Variants in DOC2A observed in about 807,000 individuals in gnomAD.
DOC2A encodes double C2-like domain-containing protein alpha.
In DOC2A, 28 loss-of-function variants were observed where a neutral mutation model predicts 40.6. The observed-to-expected ratio is 0.69, with a 90% CI of 0.51 to 0.95. The LOEUF (loss-of-function observed/expected upper bound fraction) is 0.95, where lower values mean the gene tolerates loss of function less well. DOC2A is among the 40% of genes least tolerant of loss of function. DOC2A has a pLI of 0.00. For missense variants in DOC2A, 474 were observed against 552.5 expected (o/e 0.86, Z 1.42); for synonymous variants, 241 against 236.9 (o/e 1.02, Z -0.16).
chr16:30,006,929 C>T lies in DOC2A; in HGVS notation c.734G>A (p.Gly245Glu), dbSNP rs780797462. The T allele has an allele frequency of 1.2e-6, 2 of 1,613,316 alleles. No homozygotes were observed. The highest frequency in any genetic ancestry group is 2.2e-5 in the East Asian group (1 of 44,834). Residue 245 changes from glycine to glutamate, a missense_variant, in exon 8 of 11, where the codon GGG becomes GAG. Transcript: ENST00000350119. The surrounding 1 kb of genome is among the most constrained non-coding windows in gnomAD (Gnocchi z 6.2). ...GCCACGCTCCTCCAGCAGCCCCTGC[C>T]CCTGCTCCGCCTGCTCCAACTGCGG... ...YLKELEQAEQ[G>E]QGLLEERGRI...
chr16:30,019,404 G>C (rs1050604205), intron 1 of DOC2A, among the ~76,000 whole-genome samples: 1 of 151,774 alleles, frequency 6.6e-6, no homozygotes, highest in African/African-American at 2.4e-5. Context: ...GTCTACTCTA[G>C]AATGATGCGC....
At position 30,006,582 on chromosome 16, in the gene DOC2A, C is replaced by T. The variant is rs182018445; in HGVS notation, c.960+14G>A. 8.7e-6 allele frequency: 14 copies of T among 1,613,840 alleles called. No homozygotes were observed. The East Asian group carries it at 2.5e-4, about 28-fold the overall frequency. ...TCCCTGGCCTCCCTCCATGTCCCGT[C>T]CCCTCCTGGGTACCTCGTTAAATTC... On this transcript the variant is annotated intron_variant, in intron 9 of 10. Transcript: ENST00000350119. This position sits in a 1 kb window ranked among gnomAD's most constrained non-coding sequence, Gnocchi z 6.2.
At chr16:30,019,762 G>A (rs886645317) in intron 1 of DOC2A, among the ~76,000 whole-genome samples, 26 of 152,270 alleles carry the variant, frequency 1.7e-4, no homozygotes, top group African/African-American at 6.0e-4. Context: ...TTGAGACAGA[G>A]TCTCGAGTGT....
chr16:30,007,337 C>T (rs746804118), intron 5 of DOC2A, 38 bp from the exon 6 acceptor site: 19 of 1,613,106 alleles, frequency 1.2e-5, no homozygotes, highest in African/African-American at 1.3e-5. Context: ...CCTGGGGTAC[C>T]TGAGCCCCGT....
chr16:30,013,241 G>A (rs2070813733), upstream of DOC2A, among the ~76,000 whole-genome samples: 1 of 149,634 alleles, frequency 6.7e-6, no homozygotes, highest in Non-Finnish European at 1.5e-5. Flanking sequence ...GCTGAGGTGG[G>A]AGGATCTCTC....
Position 30,009,010 on chromosome 16 carries a change from C to T in DOC2A, c.513G>A (p.Thr171=), listed in dbSNP as rs201992999. The part of the protein sequence containing the change: ...TYSGITDDDI[T]HKVLRIAVCD... ...GGGGCCCTCACCTGAGCACCTTGTG[C>T]GTGATGTCGTCATCTGTGATCCCGC... The change falls in exon 5 of 11, where the codon ACG becomes ACA. Residue 171 remains threonine, a synonymous_variant. Transcript: ENST00000350119. This position sits in a 1 kb window ranked among gnomAD's most constrained non-coding sequence, Gnocchi z 4.1. The T allele has an allele frequency of 3.9e-5, 63 of 1,613,110 alleles. 1 individual carries two copies. The highest frequency in any genetic ancestry group is 3.7e-4 in the South Asian group (34 of 91,042).
At chr16:30,021,802 G>C (rs2070913271), upstream of DOC2A, 1 of 152,448 alleles carries the variant, frequency 6.6e-6, no homozygotes, top group African/African-American at 2.4e-5. Flanking sequence ...GAGGGGGCGG[G>C]GGAGGACGGA....
intron 5 of DOC2A, chr16:30,008,028 C>T (rs1037181646): frequency 1.3e-5 from 2 of 155,864 alleles, no homozygotes; most frequent in East Asian, 1.9e-4. Flanking sequence ...CCTCTGGCCT[C>T]CCCTCCATTC....
At chr16:30,015,434 C>T, upstream of DOC2A, among the ~76,000 whole-genome samples, 1 of 152,100 alleles carries the variant, frequency 6.6e-6, no homozygotes, top group Non-Finnish European at 1.5e-5. Context: ...TCCCGCGTCA[C>T]ACTCCTGAGT....
At chr16:30,017,867 C>A (rs1239141448) in intron 1 of DOC2A, among the ~76,000 whole-genome samples, 1 of 148,956 alleles carries the variant, frequency 6.7e-6, no homozygotes, top group East Asian at 2.0e-4. Flanking sequence ...GGCTGAGGCA[C>A]AAGAATCACT....
upstream of DOC2A, among the ~76,000 whole-genome samples, chr16:30,016,421 A>C (rs2070857641): frequency 6.6e-6 from 1 of 152,194 alleles, no homozygotes; most frequent in African/African-American, 2.4e-5. Context: ...AGCAGGACGA[A>C]GGGAGACACA....
At chr16:30,012,864 G>T (rs910038904), upstream of DOC2A, among the ~76,000 whole-genome samples, 2 of 151,308 alleles carry the variant, frequency 1.3e-5, no homozygotes, top group Non-Finnish European at 1.5e-5. Context: ...AAAAATGCCG[G>T]GCGTGGTGGT....
Position 30,006,481 on chromosome 16 carries a change from G to A in DOC2A, c.989C>T (p.Thr330Ile), listed in dbSNP as rs2070594097. The change falls in exon 10 of 11, where the codon ACT becomes ATT. Residue 330 changes from threonine (T) to isoleucine (I), a missense_variant. Thr to Ile is a moderately conservative substitution (Grantham distance 89, BLOSUM62 -1). Transcript: ENST00000350119. The surrounding 1 kb of genome is among the most constrained non-coding windows in gnomAD (Gnocchi z 6.2). ...EEFFYEIELSTLATKTLEVTV... is the reference protein window; with the variant it reads ...EEFFYEIELSILATKTLEVTV... Reference sequence around the variant, plus strand: ...GACTTCCAGGGTCTTGGTGGCCAGAGTGGAGAGCTCTATCTCGTAGAAAAA... The same window carrying A: ...GACTTCCAGGGTCTTGGTGGCCAGAATGGAGAGCTCTATCTCGTAGAAAAA... 5 of 1,613,712 alleles carry A rather than the reference G, an allele frequency of 3.1e-6. No individual in the cohort carries two copies. The highest frequency in any genetic ancestry group is 2.2e-5 in the East Asian group (1 of 44,842).
upstream of DOC2A, chr16:30,013,479 G>T (rs2070817991): frequency 1.3e-5 from 2 of 150,150 alleles, no homozygotes; most frequent in Non-Finnish European, 3.0e-5. Flanking sequence ...TCTTAGCCAA[G>T]ATGGTCTCGA....
Position 30,010,070 on chromosome 16 carries a change from C to T in DOC2A, c.153G>A (p.Glu51=). Residue 51 remains glutamate (E), a synonymous_variant, in exon 2 of 11, where the codon GAG becomes GAA. Transcript: ENST00000350119. The surrounding 1 kb of genome is among the most constrained non-coding windows in gnomAD (Gnocchi z 4.2). ...GPEGGGGGGG[E]APAHLVPLAL... is the part of the protein sequence containing the mutation. ...CCAGGGGGACCAGATGGGCGGGGGCCTCCCCGCCGCCCCCGCCGCCCCCTT... is the reference window on the plus strand; with the variant it reads ...CCAGGGGGACCAGATGGGCGGGGGCTTCCCCGCCGCCCCCGCCGCCCCCTT... 1.2e-6 allele frequency: 2 copies of T among 1,610,650 alleles called. No homozygotes were observed. The highest frequency in any genetic ancestry group is 1.7e-6 in the Non-Finnish European group (2 of 1,178,308).
At chr16:30,021,022 C>T (rs1471532628) in intron 1 of DOC2A, among the ~76,000 whole-genome samples, 1 of 152,052 alleles carries the variant, frequency 6.6e-6, no homozygotes, top group Non-Finnish European at 1.5e-5. Flanking sequence ...AAGCCATCAG[C>T]GCAGCACAGG....
At chr16:30,019,272 C>T (rs2070888665) in intron 1 of DOC2A, among the ~76,000 whole-genome samples, 1 of 152,074 alleles carries the variant, frequency 6.6e-6, no homozygotes, top group Non-Finnish European at 1.5e-5. Context: ...GAGCCGAGAT[C>T]GCGCCACTGC....
upstream of DOC2A, chr16:30,013,603 C>CAAAAAAAAAAAAAAAAAAAAAAAAAAA (rs61309249): frequency 2.9e-5 from 1 of 34,888 alleles, no homozygotes. Context: ...GACCCTGTCT[C>CAAAAAAAAAAAAAAAAAAAAAAAAAAA]AAAAAAAAAA....
Position 30,005,936 on chromosome 16 carries a change from C to T in DOC2A, c.*250G>A. 8.7e-6 allele frequency: 5 copies of T among 575,474 alleles called. No homozygotes were observed. In the South Asian group the frequency reaches 1.1e-4, roughly 12 times the overall value. The allele number at this position is 575,474 out of a possible 1,614,324, so 35.6% of individuals were successfully genotyped here. On this transcript the variant is annotated 3_prime_UTR_variant, in exon 11 of 11. Transcript: ENST00000350119. ...GGGGCCTGGGGCCGGGCTCTGAGCA[C>T]TGCCCGGGTGTGCAGATGATGGGGG... is the stretch of plus-strand genomic sequence containing the variant.
Sources: allele counts gnomAD v4.1 joint callset (sites outside exome capture counted in the v4.1 genomes callset), GRCh38; gene constraint gnomAD v4.1.1; non-coding constraint Gnocchi (gnomAD v3.1); transcripts MANE v1.5; gene names NCBI Gene and HGNC (gene_info 2026-07-23, HGNC 2026-07-21).